The following CTPS1 variants were observed in gnomAD, a reference collection of about 807,000 sequenced individuals.
CTPS1 encodes the protein CTP synthase 1.
CTPS1 carries 25 observed loss-of-function variants against 80.5 expected under a neutral mutation model. The ratio of observed to expected loss-of-function variants is 0.31; its 90% confidence interval spans 0.23 to 0.43. The LOEUF (loss-of-function observed/expected upper bound fraction) is 0.43. Ranked by LOEUF, CTPS1 falls within the 20% of genes least tolerant of loss-of-function variation. The probability of loss-of-function intolerance (pLI) is 1.00; values close to 1 mark genes in which losing one functional copy is unlikely to be tolerated. For missense variants in CTPS1, 442 were observed against 725.7 expected, an observed-to-expected ratio of 0.61 and a Z score of 4.49; for synonymous variants, 267 against 252.5, an observed-to-expected ratio of 1.06 and a Z score of -0.54.
At chr1:40,997,667 T>A (rs2148406398) in intron 9 of CTPS1, 141 bp downstream of exon 9, 2 of 1,111,050 alleles carry the variant, frequency 1.8e-6, no homozygotes, top group South Asian at 3.5e-5. Context: ...TAAAAAGATT[T>A]GTGGTTGCTT....
chr1:40,991,637 C>A, intron 6 of CTPS1, 128 bp from the exon 7 acceptor site: 1 of 631,126 alleles, frequency 1.6e-6, no homozygotes, highest in Non-Finnish European at 2.8e-6. Context: ...GGATTATGTG[C>A]CTGGTGCTGA....
intron 11 of CTPS1, among the ~76,000 whole-genome samples, chr1:41,002,613 G>A (rs1260169185): frequency 1.3e-5 from 2 of 152,156 alleles, no homozygotes; most frequent in Admixed American, 1.3e-4. Flanking sequence ...TCCTGGTGCT[G>A]TACATTTTAG....
chr1:40,988,537 C>A, intron 4 of CTPS1, 57 bp from the exon 5 acceptor site: 1 of 1,177,642 alleles, frequency 8.5e-7, no homozygotes, highest in Non-Finnish European at 1.3e-6. Flanking sequence ...TGTTAGAAAA[C>A]TAAACTGCCA....
intron 12 of CTPS1, 43 bp from the exon 13 acceptor site, chr1:41,006,008 T>G: frequency 6.7e-7 from 1 of 1,501,924 alleles, no homozygotes; most frequent in Non-Finnish European, 9.3e-7. Context: ...ATTAATCACT[T>G]TCGTTTGTAA....
intron 8 of CTPS1, among the ~76,000 whole-genome samples, chr1:40,996,630 A>G (rs1240209046): frequency 6.6e-6 from 1 of 152,242 alleles, no homozygotes; most frequent in South Asian, 2.1e-4. Flanking sequence ...CAAGATCAAT[A>G]TGATGGCCTA....
chr1:41,003,078 A>G lies in CTPS1; in HGVS notation c.1190-36A>G, dbSNP rs1206974944. On this transcript the variant is annotated intron_variant, in intron 11 of 18. Coordinates refer to ENST00000650070, the MANE Select transcript of CTPS1 (RefSeq NM_001905.4). ...GGGAAAAGTAGGAGCTGCCTTTTCA[A>G]TGGAGTTTTGTTTGTTTTTTCCCCC... 3.1e-6 allele frequency: 5 copies of G among 1,612,524 alleles called. No individual in the cohort carries two copies. The African/African-American group carries it at 5.3e-5, about 17-fold the overall frequency.
chr1:40,998,640 G>A (rs1642823460), intron 9 of CTPS1, among the ~76,000 whole-genome samples: 1 of 152,154 alleles, frequency 6.6e-6, no homozygotes, highest in African/African-American at 2.4e-5. Flanking sequence ...TATGTCAGCT[G>A]TCGTTAAACC....
At chr1:41,010,939 G>C (rs887465591) in intron 18 of CTPS1, among the ~76,000 whole-genome samples, 1 of 152,204 alleles carries the variant, frequency 6.6e-6, no homozygotes, top group Admixed American at 6.5e-5. Context: ...CTGCTGGTGA[G>C]GTATCAAATG....
intron 12 of CTPS1, among the ~76,000 whole-genome samples, chr1:41,003,609 G>GT (rs1396955952): frequency 6.6e-6 from 1 of 152,108 alleles, no homozygotes; most frequent in Non-Finnish European, 1.5e-5. Flanking sequence ...ATGGGCCTCC[G>GT]TTTTTTCTGT....
chr1:41,009,040 G>T, intron 16 of CTPS1, 150 bp downstream of exon 16: 1 of 677,208 alleles, frequency 1.5e-6, no homozygotes, highest in Admixed American at 2.8e-5. Flanking sequence ...GATAAACATG[G>T]GGTCTGGACT....
intron 13 of CTPS1, 107 bp downstream of exon 13, chr1:41,006,201 C>A: frequency 2.1e-6 from 2 of 945,798 alleles, no homozygotes; most frequent in Non-Finnish European, 3.3e-6. Context: ...TGAGTCCATC[C>A]CAAAGAACCC....
chr1:40,996,016 A>G lies in CTPS1; in HGVS notation c.820A>G (p.Ile274Val), dbSNP rs913948751. Reference sequence around the variant, plus strand: ...TTTTCTTCGAAGACTTGACCTTCCTATTGAGAGGCAGCCAAGAAAAATGCT... The same window carrying G: ...TTTTCTTCGAAGACTTGACCTTCCTGTTGAGAGGCAGCCAAGAAAAATGCT... ...DYFLRRLDLP[I>V]ERQPRKMLMK... Residue 274 changes from isoleucine to valine, a missense_variant, in exon 8 of 19, where the codon ATT (isoleucine) becomes GTT (valine). By Grantham distance (29) the Ile-to-Val change is conservative (BLOSUM62 3). Coordinates refer to ENST00000650070, the MANE Select transcript of CTPS1 (RefSeq NM_001905.4). 30 of 1,614,028 alleles carry G rather than the reference A, an allele frequency of 1.9e-5. No homozygotes were observed. The highest frequency in any genetic ancestry group is 4.5e-5 in the East Asian group (2 of 44,882).
intron 1 of CTPS1, 133 bp from the exon 2 acceptor site, chr1:40,983,145 G>A (rs1642362082): frequency 1.5e-6 from 1 of 666,250 alleles, no homozygotes; most frequent in Middle Eastern, 4.3e-4. Flanking sequence ...AGAACCTTCT[G>A]AAGTCCTGTG....
At chr1:40,981,853 C>CT (rs1238219772) in intron 1 of CTPS1, 1 of 414,182 alleles carries the variant, frequency 2.4e-6, no homozygotes, top group Non-Finnish European at 3.7e-6. Context: ...CAAGTGTGTT[C>CT]TTTCTTGCTC....
intron 8 of CTPS1, among the ~76,000 whole-genome samples, chr1:40,996,422 C>G (rs1009705632): frequency 2.0e-5 from 3 of 152,180 alleles, no homozygotes; most frequent in Admixed American, 6.5e-5. Flanking sequence ...GTGGCTGGAG[C>G]ACTCCTGGGT....
At chr1:40,999,987 C>CA (rs939652697) in intron 9 of CTPS1, among the ~76,000 whole-genome samples, 2 of 151,124 alleles carry the variant, frequency 1.3e-5, no homozygotes, top group East Asian at 1.9e-4. Flanking sequence ...CCCGTCTCTG[C>CA]AAAAAAAAGT....
In CTPS1 at chr1:41,003,183, G is replaced by A. The variant is rs371135580; in HGVS notation, c.1252+7G>A. 1.3e-4 allele frequency: 214 copies of A among 1,613,900 alleles called. No individual in the cohort carries two copies. The highest frequency in any genetic ancestry group is 1.9e-4 in the African/African-American group (14 of 74,896). Reference sequence around the variant, plus strand: ...AACGTGCTGGGATGGCAAGGTAAGCGTGCATTAAGACACTCATTCAATTCC... The same window carrying A: ...AACGTGCTGGGATGGCAAGGTAAGCATGCATTAAGACACTCATTCAATTCC... On this transcript the variant is annotated splice_region_variant and intron_variant, in intron 12 of 18. Coordinates refer to ENST00000650070, the MANE Select transcript of CTPS1 (RefSeq NM_001905.4).
At chr1:40,989,128 G>A (rs372688757) in intron 5 of CTPS1, among the ~76,000 whole-genome samples, 53 of 152,330 alleles carry the variant, frequency 3.5e-4, no homozygotes, top group African/African-American at 1.2e-3. Flanking sequence ...AAGCAGCCCT[G>A]TTTGCCCTGC....
At chr1:40,981,787 A>G (rs1642305778) in intron 1 of CTPS1, 2 of 228,902 alleles carry the variant, frequency 8.7e-6, no homozygotes, top group African/African-American at 2.4e-5. Flanking sequence ...GCTGCAGCAG[A>G]GGATGCAAAG....
Sources: gnomAD v4.1 joint callset for allele counts (sites outside exome capture counted in the v4.1 genomes callset) on GRCh38, gnomAD v4.1.1 for gene constraint, MANE v1.5 for transcripts, NCBI Gene and HGNC (gene_info 2026-07-23, HGNC 2026-07-21) for gene names.